Variants in TMEM74 observed in about 807,000 individuals in gnomAD.
TMEM74 encodes the protein transmembrane protein 74.
A neutral mutation model predicts 18.1 loss-of-function variants in TMEM74; 13 were observed. The ratio of observed to expected loss-of-function variants is 0.72; its 90% CI spans 0.47 to 1.14. The LOEUF (loss-of-function observed/expected upper bound fraction) is 1.14, where lower values mean the gene tolerates loss of function less well. Ranked by LOEUF, TMEM74 falls within the 50% of genes most tolerant of loss-of-function variation. The pLI is 0.00. For missense variants in TMEM74, 372 were observed against 375.9 expected (o/e 0.99, Z 0.09); for synonymous variants, 159 against 146.6 (o/e 1.08, Z -0.61).
intron 1 of TMEM74, among the ~76,000 whole-genome samples, chr8:108,712,066 A>G (rs1813480663): frequency 6.6e-6 from 1 of 152,004 alleles, no homozygotes; most frequent in Non-Finnish European, 1.5e-5. Context: ...GCAAATTGCA[A>G]ATTCCAGGAT....
intron 1 of TMEM74, among the ~76,000 whole-genome samples, chr8:108,707,836 A>G (rs1813432232): frequency 6.6e-6 from 1 of 152,224 alleles, no homozygotes; most frequent in Non-Finnish European, 1.5e-5. Flanking sequence ...GGAAAAATAA[A>G]CAAGTAGGAT....
In TMEM74 at chr8:108,784,147, C is replaced by T. The variant is rs1353499139; in HGVS notation, c.*34G>A. On this transcript the variant is annotated 3_prime_UTR_variant, in exon 2 of 2. Transcript: ENST00000297459. ...TTAACTTTTTTCATATTATAAAATGCCAAGGCAGACTCTCAAGATATTCAC... is the reference window on the plus strand; with the variant it reads ...TTAACTTTTTTCATATTATAAAATGTCAAGGCAGACTCTCAAGATATTCAC... The T allele has an allele frequency of 1.3e-6, 2 of 1,486,396 alleles. No homozygotes were observed. The highest frequency in any genetic ancestry group is 2.2e-5 in the Admixed American group (1 of 44,528). The allele number at this position is 1,486,396 out of a possible 1,614,324, so 92.1% of individuals were successfully genotyped here.
rs1372855186 is a variant in TMEM74, at chr8:108,678,798, C to T, written n.120-23361G>A. Among the ~76,000 whole-genome samples, 6 of 150,112 alleles carry T rather than the reference C, an allele frequency of 4.0e-5. No homozygotes were observed. In the East Asian group the frequency reaches 5.9e-4, roughly 15 times the overall value. ...TTTTAGGGTACACATGCACAATGTG[C>T]AGGTTTGTTACATATGTATACATGT... On this transcript the variant is annotated intron_variant and non_coding_transcript_variant, in intron 1 of 3. Transcript: ENST00000518838.
At chr8:108,767,174 T>C (rs1216797719) in intron 1 of TMEM74, among the ~76,000 whole-genome samples, 1 of 152,168 alleles carries the variant, frequency 6.6e-6, no homozygotes, top group Admixed American at 6.5e-5. Context: ...CCTGAAGAAT[T>C]TGAAATTTCC....
intron 1 of TMEM74, among the ~76,000 whole-genome samples, chr8:108,657,898 ATATATT>A (rs1253309949): frequency 2.0e-4 from 24 of 122,928 alleles, no homozygotes; most frequent in African/African-American, 6.0e-4. Flanking sequence ...ATATATATAT[ATATATT>A]AATTACATAT....
intron 2 of TMEM74, among the ~76,000 whole-genome samples, chr8:108,647,671 C>T (rs1302074980): frequency 6.6e-6 from 1 of 151,962 alleles, no homozygotes; most frequent in African/African-American, 2.4e-5. Context: ...TTCAATACAA[C>T]CTTTTTAACC....
intron 2 of TMEM74, among the ~76,000 whole-genome samples, chr8:108,623,493 T>C (rs1199938381): frequency 1.6e-4 from 24 of 152,106 alleles, no homozygotes; most frequent in Admixed American, 1.6e-3. Flanking sequence ...TGTTTCTATG[T>C]TGGCTGTGAA....
chr8:108,682,290 T>C (rs1286312136), intron 1 of TMEM74, among the ~76,000 whole-genome samples: 3 of 152,242 alleles, frequency 2.0e-5, no homozygotes, highest in Non-Finnish European at 2.9e-5. Context: ...ACCCCCACTA[T>C]GCTGCCTTCA....
At chr8:108,662,215 G>T (rs1391274909) in intron 1 of TMEM74, among the ~76,000 whole-genome samples, 1 of 151,782 alleles carries the variant, frequency 6.6e-6, no homozygotes, top group Non-Finnish European at 1.5e-5. Flanking sequence ...GAAAGAGAGA[G>T]ACAAAGAGAG....
At chr8:108,749,463 G>A (rs1182942549) in intron 1 of TMEM74, among the ~76,000 whole-genome samples, 1 of 152,098 alleles carries the variant, frequency 6.6e-6, no homozygotes, top group Non-Finnish European at 1.5e-5. Context: ...ACTGTTGTTG[G>A]TGTACAGTGA....
At chr8:108,734,993 A>C (rs769586343) in intron 1 of TMEM74, among the ~76,000 whole-genome samples, 1 of 152,184 alleles carries the variant, frequency 6.6e-6, no homozygotes, top group Non-Finnish European at 1.5e-5. Flanking sequence ...TGATACCCTA[A>C]TGACTCTTCC....
intron 1 of TMEM74, among the ~76,000 whole-genome samples, chr8:108,662,315 A>G (rs1431341222): frequency 1.3e-5 from 2 of 152,062 alleles, no homozygotes; most frequent in Non-Finnish European, 2.9e-5. Flanking sequence ...TAGAGAGAAA[A>G]CAAACAGATA....
chr8:108,761,477 ACCTAGGCC>A (rs1814043256), intron 1 of TMEM74, among the ~76,000 whole-genome samples: 1 of 152,128 alleles, frequency 6.6e-6, no homozygotes, highest in Non-Finnish European at 1.5e-5. Flanking sequence ...ACAGTTCTGT[ACCTAGGCC>A]ATGTCTGAAA....
intron 2 of TMEM74, among the ~76,000 whole-genome samples, chr8:108,625,214 A>T (rs574661544): frequency 6.6e-6 from 1 of 152,050 alleles, no homozygotes; most frequent in Admixed American, 6.6e-5. Flanking sequence ...GAACACACAG[A>T]TTTTAAACTG....
chr8:108,672,428 A>T (rs182786722), intron 1 of TMEM74, among the ~76,000 whole-genome samples: 2 of 152,218 alleles, frequency 1.3e-5, no homozygotes, highest in African/African-American at 2.4e-5. Context: ...GAAAGATTAG[A>T]TTTTATTTTT....
intron 1 of TMEM74, among the ~76,000 whole-genome samples, chr8:108,728,895 A>C (rs1381956160): frequency 6.6e-6 from 1 of 152,214 alleles, no homozygotes; most frequent in South Asian, 2.1e-4. Flanking sequence ...ATGGCAATCC[A>C]CTTATTTTGC....
intron 1 of TMEM74, among the ~76,000 whole-genome samples, chr8:108,664,622 T>C (rs1206406670): frequency 6.6e-6 from 1 of 152,140 alleles, no homozygotes; most frequent in Non-Finnish European, 1.5e-5. Flanking sequence ...TTGGATGCCT[T>C]TTATTTCTCT....
chr8:108,723,665 C>A (rs776776461), intron 1 of TMEM74, among the ~76,000 whole-genome samples: 1 of 151,964 alleles, frequency 6.6e-6, no homozygotes, highest in African/African-American at 2.4e-5. Flanking sequence ...CCTACAGAAG[C>A]CCTAAATTTA....
chr8:108,764,717 C>T (rs1814082944), intron 1 of TMEM74, among the ~76,000 whole-genome samples: 1 of 152,154 alleles, frequency 6.6e-6, no homozygotes, highest in African/African-American at 2.4e-5. Flanking sequence ...GGAATATGAG[C>T]TTGAACTGCT....
Sources: allele counts gnomAD v4.1 joint callset (sites outside exome capture counted in the v4.1 genomes callset), GRCh38; gene constraint gnomAD v4.1.1; transcripts MANE v1.5; gene names NCBI Gene and HGNC (gene_info 2026-07-23, HGNC 2026-07-21).